Variants in KIAA1328 observed in about 807,000 individuals in gnomAD.
KIAA1328 encodes the protein protein hinderin.
KIAA1328 carries 52 observed loss-of-function variants against 68.1 expected under a neutral mutation model. That is an observed-to-expected ratio of 0.76 (90% CI 0.61 to 0.96). The LOEUF is 0.96. Among genes scored for constraint, KIAA1328 ranks in the 40% least tolerant of loss-of-function variants. The pLI, the probability that KIAA1328 is intolerant of heterozygous loss-of-function variation, is 0.00. For synonymous variants in KIAA1328, 232 were observed against 239.4 expected (o/e 0.97, Z 0.28); for missense variants, 641 against 677.6 (o/e 0.95, Z 0.60).
At chr18:36,891,743 A>G (rs2048694262) in intron 5 of KIAA1328, among the ~76,000 whole-genome samples, 1 of 152,090 alleles carries the variant, frequency 6.6e-6, no homozygotes, top group Admixed American at 6.6e-5. Flanking sequence ...TATTTTTGCT[A>G]TTGCGAACTG....
intron 6 of KIAA1328, among the ~76,000 whole-genome samples, chr18:36,974,344 C>T (rs2052374954): frequency 6.6e-6 from 1 of 152,078 alleles, no homozygotes; most frequent in South Asian, 2.1e-4. Context: ...TCTTCTGAGT[C>T]TCCAATGTCT....
At chr18:37,168,064 A>G (rs2059426356) in intron 8 of KIAA1328, among the ~76,000 whole-genome samples, 1 of 152,260 alleles carries the variant, frequency 6.6e-6, no homozygotes. Context: ...AGTTCAACAT[A>G]CAAAAATCAA....
At position 37,224,495 on chromosome 18, in the gene KIAA1328, T is replaced by C; in HGVS notation, c.*2268T>C. ...TTTTCTAACTTAATGGACATTTTGT[T>C]GGTGTTGGTGCAAGGGCAATAGGAT... On this transcript the variant is annotated 3_prime_UTR_variant, in exon 10 of 10. Coordinates refer to ENST00000280020, the MANE Select transcript of KIAA1328 (RefSeq NM_020776.3). 1.0e-6 allele frequency: 1 copy of C among 985,446 alleles called. No homozygotes were observed. Among genetic ancestry groups the C allele is most frequent in the Non-Finnish European group, 1.2e-6 (1 of 829,930 alleles). The allele number at this position is 985,446 out of a possible 1,614,324, so 61.0% of individuals were successfully genotyped here.
At chr18:37,111,672 T>C (rs951836523) in intron 7 of KIAA1328, among the ~76,000 whole-genome samples, 5 of 152,172 alleles carry the variant, frequency 3.3e-5, no homozygotes, top group African/African-American at 9.7e-5. Flanking sequence ...TCACTGGGGC[T>C]TGTCAGACAG....
chr18:36,949,732 A>C (rs866883449), intron 5 of KIAA1328, among the ~76,000 whole-genome samples: 1 of 151,998 alleles, frequency 6.6e-6, no homozygotes, highest in Admixed American at 6.6e-5. Context: ...TCAGGTGATC[A>C]AACAGAATGA....
intron 7 of KIAA1328, among the ~76,000 whole-genome samples, chr18:37,098,961 C>G (rs1339096132): frequency 6.6e-6 from 1 of 152,066 alleles, no homozygotes; most frequent in Non-Finnish European, 1.5e-5. Context: ...TGATTCTTCT[C>G]TCTTTTCTTC....
intron 6 of KIAA1328, among the ~76,000 whole-genome samples, chr18:37,038,302 A>G (rs911525175): frequency 2.0e-5 from 3 of 152,116 alleles, no homozygotes; most frequent in African/African-American, 7.2e-5. Context: ...ATAAAAAAGG[A>G]AACCTTACCG....
intron 6 of KIAA1328, among the ~76,000 whole-genome samples, chr18:36,992,451 C>CTTTTTTTTTTTTTTT (rs71168252): frequency 3.1e-4 from 40 of 130,078 alleles, no homozygotes; most frequent in African/African-American, 1.2e-3. Context: ...TCTTTTCTTT[C>CTTTTTTTTTTTTTTT]TTTTTTTTTT....
At chr18:37,152,458 G>C (rs2059057451) in intron 7 of KIAA1328, among the ~76,000 whole-genome samples, 1 of 152,120 alleles carries the variant, frequency 6.6e-6, no homozygotes, top group Admixed American at 6.6e-5. Context: ...GGCGAGCAGG[G>C]TACCTTTTGT....
rs370797008 is a variant in KIAA1328, at chr18:36,963,066, GC to G, written c.576+3633del. Among the ~76,000 whole-genome samples, 19 of 152,186 alleles carry G rather than the reference GC, an allele frequency of 1.2e-4. No homozygotes were observed. The East Asian group carries it at 1.9e-3, about 15-fold the overall frequency. ...TGAAAAGATCAACAAAATTGAAATAGCCAAAGTATAAATGGTTTGTTTGTAT... is the reference window on the plus strand; with the variant it reads ...TGAAAAGATCAACAAAATTGAAATAGCAAAGTATAAATGGTTTGTTTGTAT... On this transcript the variant is annotated intron_variant, in intron 6 of 9. Coordinates refer to ENST00000280020, the MANE Select transcript of KIAA1328 (RefSeq NM_020776.3).
chr18:36,944,285 T>C (rs1002452959), intron 5 of KIAA1328, among the ~76,000 whole-genome samples: 1 of 152,064 alleles, frequency 6.6e-6, no homozygotes, highest in African/African-American at 2.4e-5. Flanking sequence ...TGGTAGAATA[T>C]AAGGTCATGG....
At chr18:37,186,439 C>T (rs367771067) in intron 9 of KIAA1328, among the ~76,000 whole-genome samples, 2 of 151,262 alleles carry the variant, frequency 1.3e-5, no homozygotes, top group Non-Finnish European at 2.9e-5. Context: ...TGGTAGTGTG[C>T]GCCTGTAGCC....
intron 4 of KIAA1328, among the ~76,000 whole-genome samples, chr18:36,869,900 G>C (rs112856754): frequency 4.6e-5 from 7 of 151,894 alleles, no homozygotes; most frequent in African/African-American, 1.7e-4. Flanking sequence ...GTCTCACTCT[G>C]TCACCAGGCT....
At chr18:36,861,938 T>C (rs2150891211) in intron 4 of KIAA1328, among the ~76,000 whole-genome samples, 1 of 152,308 alleles carries the variant, frequency 6.6e-6, no homozygotes, top group Non-Finnish European at 1.5e-5. Flanking sequence ...CAAAAAGTGC[T>C]GGGATTGCAG....
intron 3 of KIAA1328, among the ~76,000 whole-genome samples, chr18:36,843,208 G>A (rs2046916438): frequency 6.6e-6 from 1 of 152,058 alleles, no homozygotes; most frequent in African/African-American, 2.4e-5. Context: ...CACATGAATG[G>A]TTTGCTGGCA....
At chr18:36,857,944 T>C (rs2047436711) in intron 4 of KIAA1328, among the ~76,000 whole-genome samples, 1 of 152,238 alleles carries the variant, frequency 6.6e-6, no homozygotes, top group South Asian at 2.1e-4. Context: ...AAATGTTTCA[T>C]GTGCTTTTGA....
chr18:36,910,167 T>G (rs946921550), intron 5 of KIAA1328, among the ~76,000 whole-genome samples: 2 of 152,110 alleles, frequency 1.3e-5, no homozygotes, highest in African/African-American at 4.8e-5. Flanking sequence ...TGCCGTTGCT[T>G]TTGGTGTTTT....
At chr18:37,103,950 A>G (rs927834738) in intron 7 of KIAA1328, among the ~76,000 whole-genome samples, 6 of 152,132 alleles carry the variant, frequency 3.9e-5, no homozygotes, top group African/African-American at 1.4e-4. Flanking sequence ...GGGAAATGCA[A>G]ATTAAAACCA....
At position 37,178,974 on chromosome 18, in the gene KIAA1328, A is replaced by T. The variant is rs1020603301; in HGVS notation, c.1523+5893A>T. 4.6e-5 allele frequency among the ~76,000 whole-genome samples: 7 copies of T among 152,202 alleles called. No homozygotes were observed. The East Asian group carries it at 1.2e-3, about 25-fold the overall frequency. ...GAGTTCCTTATATATTTTGCATAGT[A>T]ACTTCTTATCAGATGGATAGTTTGC... On this transcript the variant is annotated intron_variant, in intron 9 of 9. Transcript: ENST00000280020.
Sources: gnomAD v4.1 joint callset for allele counts (sites outside exome capture counted in the v4.1 genomes callset) on GRCh38, gnomAD v4.1.1 for gene constraint, MANE v1.5 for transcripts, NCBI Gene and HGNC (gene_info 2026-07-23, HGNC 2026-07-21) for gene names.